Variants in GABRB2 observed in about 807,000 individuals in gnomAD.
The protein encoded by GABRB2 is gamma-aminobutyric acid type A receptor subunit beta2, also known as gamma-aminobutyric acid receptor subunit beta-2.
GABRB2 carries 16 observed loss-of-function variants against 54.7 expected under a neutral mutation model. That is an observed-to-expected ratio of 0.29 (90% CI 0.20 to 0.44). The LOEUF (loss-of-function observed/expected upper bound fraction) is 0.44, where lower values mean the gene tolerates loss of function less well. Ranked by LOEUF, GABRB2 falls within the 20% of genes least tolerant of loss-of-function variation. The probability of loss-of-function intolerance (pLI) is 1.00; values close to 1 mark genes in which losing one functional copy is unlikely to be tolerated. For synonymous variants in GABRB2, 244 were observed against 233.8 expected (o/e 1.04, Z -0.40); for missense variants, 355 against 644.0 (o/e 0.55, Z 4.86).
chr5:161,545,255 C>T lies in GABRB2; in HGVS notation c.209G>A (p.Ser70Asn). Residue 70 changes from serine (S) to asparagine (N), a missense_variant, in exon 3 of 10, where the codon AGC becomes AAC. Transcript: ENST00000393959. The part of the protein sequence containing the change: ...VAVGMNIDIA[S>N]IDMVSEVNMD... ...ATTGACTTCAGAAACCATATCGATG[C>T]TGGCAATGTCAATGTTCATCCCCAC... is the stretch of plus-strand genomic sequence containing the variant. 1 of 1,609,238 alleles carries T rather than the reference C, an allele frequency of 6.2e-7. No individual in the cohort carries two copies. The highest frequency in any genetic ancestry group is 1.7e-4 in the Middle Eastern group (1 of 6,046).
Position 161,425,099 on chromosome 5 carries a change from C to T in GABRB2, c.459-14042G>A, listed in dbSNP as rs545601609. 1.2e-4 allele frequency among the ~76,000 whole-genome samples: 18 copies of T among 151,990 alleles called. No individual in the cohort carries two copies. The East Asian group carries it at 1.5e-3, about 13-fold the overall frequency. ...TGAGAATTTTTTTCTTATGGATGGA[C>T]GAAGAAAGTGACTTCTTGAGATAAA... On this transcript the variant is annotated intron_variant, in intron 4 of 9. Transcript: ENST00000393959.
chr5:161,355,277 A>G (rs992427537), intron 5 of GABRB2, among the ~76,000 whole-genome samples: 17 of 148,712 alleles, frequency 1.1e-4, no homozygotes, highest in African/African-American at 4.2e-4. Flanking sequence ...ACTGTGACAT[A>G]TATATAATAT....
At chr5:161,452,464 T>A (rs1757817515) in intron 4 of GABRB2, among the ~76,000 whole-genome samples, 1 of 152,218 alleles carries the variant, frequency 6.6e-6, no homozygotes, top group Non-Finnish European at 1.5e-5. Flanking sequence ...AATATCCTAT[T>A]TTAAGTGAAT....
chr5:161,370,569 A>T (rs1291718243), intron 5 of GABRB2, among the ~76,000 whole-genome samples: 1 of 152,166 alleles, frequency 6.6e-6, no homozygotes, highest in African/African-American at 2.4e-5. Context: ...GCTCTGGATC[A>T]TCCAAAAAAT....
chr5:161,367,460 C>G (rs1755002624), intron 5 of GABRB2, among the ~76,000 whole-genome samples: 2 of 151,958 alleles, frequency 1.3e-5, no homozygotes, highest in Admixed American at 1.3e-4. Flanking sequence ...TGAAAAACAA[C>G]CATATATTTT....
intron 4 of GABRB2, among the ~76,000 whole-genome samples, chr5:161,450,915 A>T (rs1757771156): frequency 6.6e-6 from 1 of 152,146 alleles, no homozygotes; most frequent in Non-Finnish European, 1.5e-5. Flanking sequence ...AAATTTAGAG[A>T]ATAGGTTCTC....
At chr5:161,420,578 C>T (rs1007127064) in intron 4 of GABRB2, among the ~76,000 whole-genome samples, 2 of 152,180 alleles carry the variant, frequency 1.3e-5, no homozygotes, top group Non-Finnish European at 2.9e-5. Flanking sequence ...AAACGTGTGG[C>T]CAGGTTGCCC....
chr5:161,406,104 G>T (rs1187988319), intron 5 of GABRB2, among the ~76,000 whole-genome samples: 1 of 151,974 alleles, frequency 6.6e-6, no homozygotes, highest in Non-Finnish European at 1.5e-5. Flanking sequence ...GACCACCAGG[G>T]TTGATTGCCT....
intron 3 of GABRB2, among the ~76,000 whole-genome samples, chr5:161,491,970 T>C (rs962200088): frequency 5.3e-5 from 8 of 151,640 alleles, no homozygotes; most frequent in African/African-American, 1.9e-4. Context: ...AAGAATGTGC[T>C]ATGGAGGGTG....
chr5:161,474,858 C>T (rs1001596430), intron 3 of GABRB2, among the ~76,000 whole-genome samples: 7 of 152,060 alleles, frequency 4.6e-5, no homozygotes, highest in East Asian at 3.9e-4. Context: ...AAATCCTTTT[C>T]GATCAGGAGT....
At chr5:161,321,000 T>C (rs1440330706) in intron 9 of GABRB2, among the ~76,000 whole-genome samples, 1 of 152,004 alleles carries the variant, frequency 6.6e-6, no homozygotes, top group South Asian at 2.1e-4. Flanking sequence ...CATGCTGTAG[T>C]GTATACCACA....
At chr5:161,503,378 G>A (rs1759506729) in intron 3 of GABRB2, among the ~76,000 whole-genome samples, 1 of 152,038 alleles carries the variant, frequency 6.6e-6, no homozygotes, top group Non-Finnish European at 1.5e-5. Flanking sequence ...AGGAACAAAA[G>A]ACACTTAGGA....
At chr5:161,437,500 C>G (rs1261050990) in intron 4 of GABRB2, among the ~76,000 whole-genome samples, 1 of 152,064 alleles carries the variant, frequency 6.6e-6, no homozygotes, top group Non-Finnish European at 1.5e-5. Flanking sequence ...CATTGATACC[C>G]AGGTACTACA....
chr5:161,455,117 C>T (rs1012195808), intron 4 of GABRB2, among the ~76,000 whole-genome samples: 2 of 152,242 alleles, frequency 1.3e-5, no homozygotes, highest in African/African-American at 4.8e-5. Flanking sequence ...TGCTGAGCAG[C>T]TGGTGTGCAT....
intron 5 of GABRB2, among the ~76,000 whole-genome samples, chr5:161,367,426 A>G (rs2910296): frequency 0.057 from 8,657 of 152,252 alleles, 421 homozygotes; most frequent in Admixed American, 0.16. Flanking sequence ...TGTTGTTATT[A>G]TTGTTGAACA....
chr5:161,470,783 A>G (rs923172006), intron 3 of GABRB2, among the ~76,000 whole-genome samples: 1 of 152,018 alleles, frequency 6.6e-6, no homozygotes, highest in African/African-American at 2.4e-5. Context: ...GACCACCGGT[A>G]ACTTAAACCA....
At chr5:161,412,524 C>T (rs1407067223) in intron 4 of GABRB2, among the ~76,000 whole-genome samples, 3 of 152,144 alleles carry the variant, frequency 2.0e-5, no homozygotes, top group Non-Finnish European at 2.9e-5. Flanking sequence ...TCCACACAAC[C>T]GTCAGATCTT....
chr5:161,486,796 T>C (rs1224572561), intron 3 of GABRB2, among the ~76,000 whole-genome samples: 1 of 151,954 alleles, frequency 6.6e-6, no homozygotes, highest in African/African-American at 2.4e-5. Flanking sequence ...AGCTCAACAC[T>C]GGCACTCTTC....
intron 5 of GABRB2, among the ~76,000 whole-genome samples, chr5:161,387,323 C>G (rs1342341517): frequency 6.6e-6 from 1 of 152,044 alleles, no homozygotes; most frequent in East Asian, 1.9e-4. Flanking sequence ...CCAAGACAAG[C>G]AAAATACCAA....
Sources: allele counts gnomAD v4.1 joint callset (sites outside exome capture counted in the v4.1 genomes callset), GRCh38; gene constraint gnomAD v4.1.1; transcripts MANE v1.5; gene names NCBI Gene and HGNC (gene_info 2026-07-23, HGNC 2026-07-21).